FBXL7: variants seen among roughly 807,000 people sequenced by gnomAD.
FBXL7 encodes F-box/LRR-repeat protein 7.
A neutral mutation model predicts 38.3 loss-of-function variants in FBXL7; 12 were observed. That is an observed-to-expected ratio of 0.31 (90% CI 0.20 to 0.51). The LOEUF is 0.51. FBXL7 is among the 20% of genes least tolerant of loss of function. FBXL7 has a pLI of 0.98. For missense variants in FBXL7, 567 were observed against 676.4 expected (o/e 0.84, Z 1.79); for synonymous variants, 297 against 300.9 (o/e 0.99, Z 0.13).
chr5:15,903,758 TATTAA>T (rs138705198), intron 2 of FBXL7, among the ~76,000 whole-genome samples: 1,572 of 152,302 alleles, frequency 0.01, 25 homozygotes, highest in East Asian at 0.075. Context: ...TAAGAATTTT[TATTAA>T]ATTAAATTAA....
At chr5:15,817,357 G>A (rs1434101844) in intron 2 of FBXL7, among the ~76,000 whole-genome samples, 1 of 151,762 alleles carries the variant, frequency 6.6e-6, no homozygotes, top group Non-Finnish European at 1.5e-5. Flanking sequence ...CACAATCCCT[G>A]ACTAGCTGAT....
chr5:15,861,776 G>T lies in FBXL7; in HGVS notation c.128-66114G>T, dbSNP rs531556038. ...ATCAGCAGCCCTCTTCAGGTCACCTGGTGCAATGTGGCACATTGTTGGGCT... is the reference window on the plus strand; with the variant it reads ...ATCAGCAGCCCTCTTCAGGTCACCTTGTGCAATGTGGCACATTGTTGGGCT... On this transcript the variant is annotated intron_variant, in intron 2 of 3. Coordinates refer to ENST00000504595, the MANE Select transcript of FBXL7 (RefSeq NM_012304.5). 9.2e-5 allele frequency among the ~76,000 whole-genome samples: 14 copies of T among 152,268 alleles called. 1 individual carries two copies. The highest frequency in any genetic ancestry group is 3.4e-4 in the African/African-American group (14 of 41,568).
chr5:15,785,613 T>G (rs888364349), intron 2 of FBXL7, among the ~76,000 whole-genome samples: 1 of 152,202 alleles, frequency 6.6e-6, no homozygotes, highest in Non-Finnish European at 1.5e-5. Flanking sequence ...GCCCCATACA[T>G]GGATGCTTGA....
intron 2 of FBXL7, among the ~76,000 whole-genome samples, chr5:15,820,140 A>G (rs1738131464): frequency 6.6e-6 from 1 of 152,132 alleles, no homozygotes; most frequent in Admixed American, 6.5e-5. Flanking sequence ...TTAGCATTAG[A>G]AGCTCCTTTC....
In FBXL7 at chr5:15,500,181, C is replaced by G. The variant is rs550537153; in HGVS notation, c.-496C>G. 6.6e-6 allele frequency: 1 copy of G among 152,118 alleles called. No homozygotes were observed. The highest frequency in any genetic ancestry group is 2.4e-5 in the African/African-American group (1 of 41,458). The allele number at this position is 152,118 out of a possible 1,614,324, so 9.4% of individuals were successfully genotyped here. A position where few individuals can be genotyped will look rare whatever the true frequency, so the allele number is the denominator to read the frequency against. ...AAGTCCGGCCCGCGGGCGAGCTGCGCCGGGTCGCTAGTCTTCACTCGCTCC... is the reference window on the plus strand; with the variant it reads ...AAGTCCGGCCCGCGGGCGAGCTGCGGCGGGTCGCTAGTCTTCACTCGCTCC... On this transcript the variant is annotated 5_prime_UTR_variant, in exon 1 of 4. Transcript: ENST00000504595.
At chr5:15,754,046 A>G (rs1300825145) in intron 2 of FBXL7, among the ~76,000 whole-genome samples, 1 of 152,260 alleles carries the variant, frequency 6.6e-6, no homozygotes, top group African/African-American at 2.4e-5. Context: ...AATGTGCAAC[A>G]GAATCACTGG....
intron 2 of FBXL7, among the ~76,000 whole-genome samples, chr5:15,765,881 C>G (rs922541427): frequency 2.0e-5 from 3 of 152,134 alleles, no homozygotes; most frequent in African/African-American, 7.2e-5. Flanking sequence ...CTCTCCAACC[C>G]TACTCTCATT....
chr5:15,860,148 A>G (rs1037194191), intron 2 of FBXL7, among the ~76,000 whole-genome samples: 1 of 152,224 alleles, frequency 6.6e-6, no homozygotes, highest in African/African-American at 2.4e-5. Flanking sequence ...TCAGCTGAGA[A>G]GACTAGGGAA....
At chr5:15,677,723 G>A (rs1246748838) in intron 2 of FBXL7, among the ~76,000 whole-genome samples, 1 of 152,118 alleles carries the variant, frequency 6.6e-6, no homozygotes, top group East Asian at 1.9e-4. Context: ...AAAATAACAT[G>A]TCTCAGGATA....
intron 2 of FBXL7, among the ~76,000 whole-genome samples, chr5:15,617,422 C>CATTTATTT (rs3032718): frequency 0.011 from 1,514 of 142,808 alleles, 13 homozygotes; most frequent in Non-Finnish European, 0.014. Flanking sequence ...TGATTCTAGA[C>CATTTATTT]ATTTATTTAT....
intron 1 of FBXL7, among the ~76,000 whole-genome samples, chr5:15,561,416 C>T (rs141194281): frequency 2.6e-5 from 4 of 152,248 alleles, no homozygotes; most frequent in East Asian, 3.9e-4. Context: ...AAGGCTGAAT[C>T]GTATTCCGTT....
rs887445651 is a variant in FBXL7 at position 15,593,502 on chromosome 5, C to T, written c.38-22481C>T. Among the ~76,000 whole-genome samples the T allele has an allele frequency of 5.3e-5, 8 of 151,812 alleles. No homozygotes were observed. In the South Asian group the frequency reaches 6.2e-4, roughly 12 times the overall value. On this transcript the variant is annotated intron_variant, in intron 1 of 3. Transcript: ENST00000504595. ...TCGCCCCACTGCACTCTAGTCTGGG[C>T]GACAGAGGTAGACTCCATCTCAAAA... is the stretch of plus-strand genomic sequence containing the variant.
intron 1 of FBXL7, among the ~76,000 whole-genome samples, chr5:15,599,733 G>T (rs1739737687): frequency 6.6e-6 from 1 of 152,194 alleles, no homozygotes; most frequent in African/African-American, 2.4e-5. Context: ...TTGAGCTGTA[G>T]ATTTCACTTT....
chr5:15,736,144 A>T (rs1358545322), intron 2 of FBXL7, among the ~76,000 whole-genome samples: 1 of 152,214 alleles, frequency 6.6e-6, no homozygotes, highest in African/African-American at 2.4e-5. Context: ...TGAATATTCA[A>T]TGCATTTAAG....
chr5:15,510,801 C>G (rs576890953), intron 1 of FBXL7, among the ~76,000 whole-genome samples: 2 of 152,308 alleles, frequency 1.3e-5, no homozygotes, highest in East Asian at 1.9e-4. Context: ...AGTTATTGAG[C>G]ACTTACTAGG....
At chr5:15,804,852 G>A (rs756952323) in intron 2 of FBXL7, among the ~76,000 whole-genome samples, 1 of 152,058 alleles carries the variant, frequency 6.6e-6, no homozygotes, top group Non-Finnish European at 1.5e-5. Context: ...GCACCCTTCC[G>A]CCAAACCGTG....
chr5:15,578,556 G>C (rs116338186), intron 1 of FBXL7, among the ~76,000 whole-genome samples: 1 of 152,124 alleles, frequency 6.6e-6, no homozygotes. Context: ...GTTCTGGAAC[G>C]TGAGTGCACT....
At chr5:15,920,277 A>G (rs1299947627) in intron 2 of FBXL7, among the ~76,000 whole-genome samples, 23 of 151,720 alleles carry the variant, frequency 1.5e-4, no homozygotes, top group Non-Finnish European at 5.9e-5. Context: ...AAATTGCTTT[A>G]TAATCTAGTT....
At chr5:15,737,221 T>C (rs1200786621) in intron 2 of FBXL7, among the ~76,000 whole-genome samples, 2 of 152,210 alleles carry the variant, frequency 1.3e-5, no homozygotes, top group African/African-American at 4.8e-5. Context: ...TTCTGCACTG[T>C]TTATGACATA....
Sources: allele counts gnomAD v4.1 joint callset (sites outside exome capture counted in the v4.1 genomes callset), GRCh38; gene constraint gnomAD v4.1.1; transcripts MANE v1.5; gene names NCBI Gene and HGNC (gene_info 2026-07-23, HGNC 2026-07-21).